Variants in ADGRB1 observed in about 807,000 individuals in gnomAD.
The protein encoded by ADGRB1 is brain-specific angiogenesis inhibitor 1.
In ADGRB1, 36 loss-of-function variants were observed where a neutral mutation model predicts 175.7. That is an observed-to-expected ratio of 0.20 (90% CI 0.16 to 0.27). ADGRB1 has a LOEUF of 0.27. Among genes scored for constraint, ADGRB1 ranks in the 10% least tolerant of loss-of-function variants. The pLI is 1.00. For synonymous variants in ADGRB1, 1,054 were observed against 979.4 expected (o/e 1.08, Z -1.42); for missense variants, 1,731 against 2,255.3 (o/e 0.77, Z 4.71).
chr8:142,470,033 C>A (rs1840566494), intron 2 of ADGRB1, among the ~76,000 whole-genome samples: 1 of 152,230 alleles, frequency 6.6e-6, no homozygotes, highest in Admixed American at 6.5e-5. Flanking sequence ...CCCAGGCCAG[C>A]CCGTGGCCCA....
chr8:142,482,051 T>TGACCCTGGTCACATGCTGAGCCCC (rs1434442790), intron 11 of ADGRB1, among the ~76,000 whole-genome samples: 6 of 147,252 alleles, frequency 4.1e-5, no homozygotes, highest in Admixed American at 6.7e-5. Context: ...GGCTGAGCCC[T>TGACCCTGGTCACATGCTGAGCCCC]GACCCTGGTC....
chr8:142,474,644 G>A lies in ADGRB1; in HGVS notation c.785-830G>A, dbSNP rs1373448870. ...CAGCCCAAAGTGTTTTTGGCAGCACGAGGACCCCCCGGGAGCAGAGACTCC... is the reference window on the plus strand; with the variant it reads ...CAGCCCAAAGTGTTTTTGGCAGCACAAGGACCCCCCGGGAGCAGAGACTCC... On this transcript the variant is annotated intron_variant, in intron 2 of 30. Transcript: ENST00000517894. This position sits in a 1 kb window ranked among gnomAD's most constrained non-coding sequence, Gnocchi z 5.8. 6.6e-6 allele frequency among the ~76,000 whole-genome samples: 1 copy of A among 152,118 alleles called. No individual in the cohort carries two copies. Among genetic ancestry groups the A allele is most frequent in the African/African-American group, 2.4e-5 (1 of 41,412 alleles).
At position 142,510,916 on chromosome 8, in the gene ADGRB1, T is replaced by TGCCCCC; in HGVS notation, c.2676-16_2676-15insGCCCCC. ...ACGCTCCGCCTGTCTCCCTCCCGTG[T>TGCCCCC]CCCGCCCGCCCCCAGACCCTCCTCC... On this transcript the variant is annotated splice_polypyrimidine_tract_variant and intron_variant, in intron 17 of 30. Coordinates refer to ENST00000517894, the MANE Select transcript of ADGRB1 (RefSeq NM_001702.3). The surrounding 1 kb of genome is among the most constrained non-coding windows in gnomAD (Gnocchi z 6.3). 2 of 969,724 alleles carry TGCCCCC rather than the reference T, an allele frequency of 2.1e-6. No individual in the cohort carries two copies. The highest frequency in any genetic ancestry group is 2.5e-6 in the Non-Finnish European group (2 of 789,284). 60.1% of individuals were successfully genotyped at this position (969,724 alleles called of 1,614,324 possible).
At chr8:142,520,160 GGTA>G (rs202211913) in intron 19 of ADGRB1, among the ~76,000 whole-genome samples, 1 of 130,008 alleles carries the variant, frequency 7.7e-6, no homozygotes, top group Non-Finnish European at 1.7e-5. Context: ...TGATGGTGGT[GGTA>G]GTGGTAGTGG....
At chr8:142,453,989 G>A (rs575592452) in intron 1 of ADGRB1, among the ~76,000 whole-genome samples, 1 of 152,294 alleles carries the variant, frequency 6.6e-6, no homozygotes, top group Non-Finnish European at 1.5e-5. Context: ...GCAGGACAGG[G>A]GCTGCAGAGG....
Position 142,478,320 on chromosome 8 carries a change from C to A in ADGRB1, c.1521C>A (p.His507Gln). ...ACGGGGGTGCGGAGTGCCAGGGCCA[C>A]TGGGTGGAGACCCGAGACTGCTTCC... ...PSYGGAECQG[H>Q]WVETRDCFLQ... Residue 507 changes from histidine to glutamine, a missense_variant, in exon 7 of 31, where the codon CAC becomes CAA. Physicochemically the swap from His to Gln is conservative, Grantham distance 24 (BLOSUM62 0). Transcript: ENST00000517894. 6.2e-7 allele frequency: 1 copy of A among 1,610,104 alleles called. No individual in the cohort carries two copies.
At chr8:142,519,109 G>A (rs1223728669) in intron 19 of ADGRB1, among the ~76,000 whole-genome samples, 1 of 152,154 alleles carries the variant, frequency 6.6e-6, no homozygotes, top group African/African-American at 2.4e-5. Flanking sequence ...GGCTCTAGGG[G>A]GACCATGGTG....
rs1843094759 is a variant in ADGRB1, at chr8:142,511,388, G to A, written c.2817+315G>A. Among the ~76,000 whole-genome samples the A allele has an allele frequency of 1.3e-5, 2 of 152,156 alleles. No homozygotes were observed. On this transcript the variant is annotated intron_variant, in intron 18 of 30. Coordinates refer to ENST00000517894, the MANE Select transcript of ADGRB1 (RefSeq NM_001702.3). The surrounding 1 kb of genome is among the most constrained non-coding windows in gnomAD (Gnocchi z 4.5). ...GATCTCCGAGGGAGCCTGGGCCTGG[G>A]GAGAGGCTGGGTCCTGAGCCGGGGG...
At chr8:142,488,976 C>A (rs1322926981) in intron 14 of ADGRB1, 59 bp from the exon 15 acceptor site, 2 of 1,571,782 alleles carry the variant, frequency 1.3e-6, no homozygotes, top group Non-Finnish European at 1.7e-6. Flanking sequence ...GCCAGGCTGC[C>A]AAGTCCCACC....
chr8:142,529,494 G>C (rs1286349696), intron 24 of ADGRB1, among the ~76,000 whole-genome samples: 1 of 152,212 alleles, frequency 6.6e-6, no homozygotes, highest in East Asian at 1.9e-4. Flanking sequence ...GATGCCACAA[G>C]TGTGCAAGTG....
chr8:142,473,585 G>A (rs1037296950), intron 2 of ADGRB1, among the ~76,000 whole-genome samples: 3 of 152,238 alleles, frequency 2.0e-5, no homozygotes, highest in African/African-American at 7.2e-5. Flanking sequence ...CCTGGAGGCC[G>A]TGCTGAGTCC....
At chr8:142,509,862 C>A (rs1481108996) in intron 17 of ADGRB1, among the ~76,000 whole-genome samples, 1 of 152,222 alleles carries the variant, frequency 6.6e-6, no homozygotes, top group Non-Finnish European at 1.5e-5. Context: ...GTCCCTCCTC[C>A]ACCAGGCAGG....
chr8:142,486,251 C>T (rs934599865), intron 13 of ADGRB1, among the ~76,000 whole-genome samples: 5 of 152,172 alleles, frequency 3.3e-5, no homozygotes, highest in African/African-American at 7.2e-5. Flanking sequence ...CCAGCAAGAG[C>T]GGCTTCCCAT....
chr8:142,542,472 C>T lies in ADGRB1; in HGVS notation c.4238C>T (p.Pro1413Leu), dbSNP rs1251936606. The change falls in exon 28 of 31, where the codon CCG becomes CTG. Residue 1413 changes from proline to leucine, a missense_variant. Pro to Leu is a moderately conservative substitution (Grantham distance 98). Coordinates refer to ENST00000517894, the MANE Select transcript of ADGRB1 (RefSeq NM_001702.3). The surrounding 1 kb of genome is among the most constrained non-coding windows in gnomAD (Gnocchi z 6.3). ...PPEAPPAQPPPPPPPPPPPPQ... is the reference protein window; with the variant it reads ...PPEAPPAQPPLPPPPPPPPPQ... ...GAGGCACCCCCTGCCCAGCCCCCAC[C>T]GCCTCCGCCCCCACCGCCACCACCT... 1.3e-5 allele frequency: 17 copies of T among 1,267,884 alleles called. No individual in the cohort carries two copies. The highest frequency in any genetic ancestry group is 6.1e-5 in the East Asian group (2 of 32,766). The allele number at this position is 1,267,884 out of a possible 1,614,324, so 78.5% of individuals were successfully genotyped here.
At chr8:142,476,981 G>A (rs1841014217) in intron 4 of ADGRB1, 133 bp from the exon 5 acceptor site, 7 of 1,292,844 alleles carry the variant, frequency 5.4e-6, no homozygotes, top group South Asian at 1.6e-5. Context: ...AGCCTGGTTC[G>A]AAGGCCCGGG....
At chr8:142,532,253 C>T (rs1390646251) in intron 24 of ADGRB1, among the ~76,000 whole-genome samples, 2 of 152,196 alleles carry the variant, frequency 1.3e-5, no homozygotes, top group Admixed American at 1.3e-4. Flanking sequence ...CCCGAGCACT[C>T]ACCGCAGCCG....
Position 142,543,798 on chromosome 8 carries a change from C to T in ADGRB1, c.4557+90C>T. The T allele has an allele frequency of 1.8e-6, 2 of 1,130,604 alleles. No homozygotes were observed. Among genetic ancestry groups the T allele is most frequent in the Non-Finnish European group, 2.6e-6 (2 of 771,082 alleles). The allele number at this position is 1,130,604 out of a possible 1,614,324, so 70.0% of individuals were successfully genotyped here. A position where few individuals can be genotyped will look rare whatever the true frequency, so the allele number is the denominator to read the frequency against. ...CCCTGGATTTGTGCACTTCATCCAT[C>T]CATCCATCCATCCATCCATTCGTTC... is the stretch of plus-strand genomic sequence containing the variant. On this transcript the variant is annotated intron_variant, in intron 30 of 30. Transcript: ENST00000517894. This position sits in a 1 kb window ranked among gnomAD's most constrained non-coding sequence, Gnocchi z 4.4.
chr8:142,484,096 A>C, intron 12 of ADGRB1, 51 bp downstream of exon 12: 1 of 1,517,574 alleles, frequency 6.6e-7, no homozygotes, highest in Non-Finnish European at 9.0e-7. Flanking sequence ...GTGCAGGCAC[A>C]GCTGGTGCCT....
At chr8:142,450,993 C>T (rs1189531042) in intron 1 of ADGRB1, among the ~76,000 whole-genome samples, 1 of 152,188 alleles carries the variant, frequency 6.6e-6, no homozygotes, top group African/African-American at 2.4e-5. Flanking sequence ...CGGCCCTCCA[C>T]CGTCGCCGCG....
Sources: gnomAD v4.1 joint callset for allele counts (sites outside exome capture counted in the v4.1 genomes callset) on GRCh38, gnomAD v4.1.1 for gene constraint, Gnocchi (gnomAD v3.1) non-coding constraint, MANE v1.5 for transcripts, NCBI Gene and HGNC (gene_info 2026-07-23, HGNC 2026-07-21) for gene names.